The following RSPH1 variants were observed in gnomAD, a reference collection of about 807,000 sequenced individuals.
The protein encoded by RSPH1 is radial spoke head 1 homolog.
A neutral mutation model predicts 44.2 loss-of-function variants in RSPH1; 32 were observed. The observed-to-expected ratio is 0.72, with a 90% CI of 0.55 to 0.97. The LOEUF (loss-of-function observed/expected upper bound fraction) is 0.97, where lower values mean the gene tolerates loss of function less well. Among genes scored for constraint, RSPH1 ranks in the 50% least tolerant of loss-of-function variants. RSPH1 has a pLI of 0.00. For missense variants in RSPH1, 391 were observed against 398.7 expected, an observed-to-expected ratio of 0.98 and a Z score of 0.16; for synonymous variants, 134 against 147.3, an observed-to-expected ratio of 0.91 and a Z score of 0.65.
At chr21:42,477,857 T>C (rs2054085217) in intron 6 of RSPH1, among the ~76,000 whole-genome samples, 1 of 152,222 alleles carries the variant, frequency 6.6e-6, no homozygotes, top group Admixed American at 6.5e-5. Context: ...TCGTGTATTA[T>C]ATAATTATAT....
intron 5 of RSPH1, chr21:42,485,440 A>C: frequency 1.8e-6 from 1 of 559,990 alleles, no homozygotes; most frequent in East Asian, 3.1e-5. Flanking sequence ...GACAGTGGGA[A>C]TTTGTACTGA....
rs1327326628 is a variant in RSPH1, at chr21:42,486,353, C to G, written c.365+18G>C. 6.4e-6 allele frequency: 10 copies of G among 1,569,580 alleles called. No homozygotes were observed. In the African/African-American group the frequency reaches 1.2e-4, roughly 19 times the overall value. The stretch of plus-strand genomic sequence containing the variant: ...TTACATAAGCAAATCCCGTTAAGAC[C>G]CAAGATAGAAACCGAACCTTTGATG... On this transcript the variant is annotated intron_variant, in intron 4 of 8. Coordinates refer to ENST00000291536, the MANE Select transcript of RSPH1 (RefSeq NM_080860.4).
chr21:42,490,127 AT>A (rs1336128188), intron 3 of RSPH1, among the ~76,000 whole-genome samples: 1 of 68,104 alleles, frequency 1.5e-5, no homozygotes, highest in Admixed American at 1.9e-4. Flanking sequence ...CCTCCCCTCC[AT>A]CTCATCCCCC....
intron 1 of RSPH1, among the ~76,000 whole-genome samples, chr21:42,495,625 G>A (rs1234904642): frequency 3.3e-5 from 5 of 152,226 alleles, no homozygotes; most frequent in Non-Finnish European, 5.9e-5. Context: ...GTGAGGATAC[G>A]CCTATAAGGT....
chr21:42,484,650 C>T (rs746826887), intron 5 of RSPH1: 3 of 152,164 alleles, frequency 2.0e-5, no homozygotes, highest in Admixed American at 6.5e-5. Flanking sequence ...TTTTTACTAA[C>T]TAGCAAAACA....
intron 3 of RSPH1, among the ~76,000 whole-genome samples, chr21:42,491,077 T>G (rs2146662154): frequency 6.6e-6 from 1 of 152,292 alleles, no homozygotes; most frequent in Middle Eastern, 3.4e-3. Flanking sequence ...ATAATATCCT[T>G]TACAGTAAAC....
intron 8 of RSPH1, among the ~76,000 whole-genome samples, chr21:42,475,199 G>A (rs1305964740): frequency 6.6e-6 from 1 of 152,152 alleles, no homozygotes; most frequent in East Asian, 1.9e-4. Context: ...GCTGGCAGAG[G>A]CAGAAGTTTC....
At chr21:42,491,338 A>G (rs1418310233) in intron 3 of RSPH1, among the ~76,000 whole-genome samples, 1 of 152,238 alleles carries the variant, frequency 6.6e-6, no homozygotes, top group East Asian at 1.9e-4. Context: ...TGGTGTTCAC[A>G]GAAGACTGGA....
At position 42,472,815 on chromosome 21, in the gene RSPH1, A is replaced by T. The variant is rs369292362; in HGVS notation, c.*3T>A. Reference sequence around the variant, plus strand: ...ATACGATCTCCTCTCGGCTCACTTCATCTTAGTCCTGGAGGTCTGACTGTC... The same window carrying T: ...ATACGATCTCCTCTCGGCTCACTTCTTCTTAGTCCTGGAGGTCTGACTGTC... On this transcript the variant is annotated 3_prime_UTR_variant, in exon 9 of 9. Transcript: ENST00000291536. 16 of 1,607,728 alleles carry T rather than the reference A, an allele frequency of 1.0e-5. No individual in the cohort carries two copies. The African/African-American group carries it at 1.9e-4, about 19-fold the overall frequency.
At chr21:42,491,078 T>C (rs979325897) in intron 3 of RSPH1, among the ~76,000 whole-genome samples, 2 of 152,172 alleles carry the variant, frequency 1.3e-5, no homozygotes, top group Non-Finnish European at 2.9e-5. Context: ...TAATATCCTT[T>C]ACAGTAAACA....
chr21:42,472,773 A>G lies in RSPH1; in HGVS notation c.*45T>C. 6.7e-7 allele frequency: 1 copy of G among 1,483,506 alleles called. No homozygotes were observed. Among genetic ancestry groups the G allele is most frequent in the East Asian group, 2.3e-5 (1 of 44,190 alleles). The allele number at this position is 1,483,506 out of a possible 1,614,324, so 91.9% of individuals were successfully genotyped here. The stretch of plus-strand genomic sequence containing the variant: ...CACACAGCACTGCACCCGGCTAACG[A>G]CAGAAGCATTCTTATGATACGATCT... On this transcript the variant is annotated 3_prime_UTR_variant, in exon 9 of 9. Coordinates refer to ENST00000291536, the MANE Select transcript of RSPH1 (RefSeq NM_080860.4).
Position 42,472,859 on chromosome 21 carries a change from A to T in RSPH1, c.889T>A (p.Ser297Thr). ...RYDMDEGNIN[S>T]EEEETRQSDL... is the part of the protein sequence containing the mutation. ...GACTGTCTAGTTTCTTCTTCTTCAG[A>T]ATTAATGTTTCCTGAAAAGAAAAGA... The change falls in exon 9 of 9, where the codon TCT becomes ACT. Residue 297 changes from serine to threonine, a missense_variant. Coordinates refer to ENST00000291536, the MANE Select transcript of RSPH1 (RefSeq NM_080860.4). 6.2e-7 allele frequency: 1 copy of T among 1,606,946 alleles called. No homozygotes were observed. Among genetic ancestry groups the T allele is most frequent in the Non-Finnish European group, 8.5e-7 (1 of 1,173,674 alleles).
Position 42,485,600 on chromosome 21 carries a change from C to T in RSPH1, c.501+69G>A, listed in dbSNP as rs767914191. 1.6e-4 allele frequency: 246 copies of T among 1,583,538 alleles called. 1 individual carries two copies. The highest frequency in any genetic ancestry group is 3.3e-4 in the Middle Eastern group (2 of 6,002). On this transcript the variant is annotated intron_variant, in intron 5 of 8. Transcript: ENST00000291536. ...GAGTTTTTGGTATTCTCTGGTCACACATTTGCACAGGCTGCCAGAGGGGGT... is the reference window on the plus strand; with the variant it reads ...GAGTTTTTGGTATTCTCTGGTCACATATTTGCACAGGCTGCCAGAGGGGGT...
intron 3 of RSPH1, among the ~76,000 whole-genome samples, chr21:42,491,715 T>C (rs929064162): frequency 2.0e-5 from 3 of 152,216 alleles, no homozygotes; most frequent in Admixed American, 1.3e-4. Context: ...GAATCATCAC[T>C]GACATCTATT....
intron 6 of RSPH1, among the ~76,000 whole-genome samples, chr21:42,478,378 G>A (rs1286846173): frequency 2.0e-5 from 3 of 152,214 alleles, no homozygotes; most frequent in Non-Finnish European, 4.4e-5. Context: ...AATGCTGCAG[G>A]ACAGGGTCCT....
intron 3 of RSPH1, among the ~76,000 whole-genome samples, chr21:42,488,836 G>A (rs1449437661): frequency 2.0e-5 from 3 of 152,196 alleles, no homozygotes; most frequent in African/African-American, 4.8e-5. Flanking sequence ...TTTGAGGTGA[G>A]TGACATTTGT....
chr21:42,488,140 C>T (rs996299924), intron 3 of RSPH1, among the ~76,000 whole-genome samples: 2 of 152,134 alleles, frequency 1.3e-5, no homozygotes, highest in Non-Finnish European at 2.9e-5. Flanking sequence ...AGGACTAGGT[C>T]CCATGATGTG....
Position 42,496,223 on chromosome 21 carries a change from C to G in RSPH1, c.-37G>C. ...AGCCTGGATCACAGCCGCAGCGCCT[C>G]TAGCAGGTGGGTAGCAACCGCCTCC... On this transcript the variant is annotated 5_prime_UTR_variant, in exon 1 of 9. Transcript: ENST00000291536. 1.2e-6 allele frequency: 2 copies of G among 1,612,838 alleles called. No homozygotes were observed. Among genetic ancestry groups the G allele is most frequent in the Middle Eastern group, 1.6e-4 (1 of 6,062 alleles).
chr21:42,477,840 T>C (rs1328194847), intron 6 of RSPH1, among the ~76,000 whole-genome samples: 1 of 151,930 alleles, frequency 6.6e-6, no homozygotes, highest in Admixed American at 6.5e-5. Flanking sequence ...AACTCTAATA[T>C]AAAAAATCGT....
Sources: allele counts gnomAD v4.1 joint callset (sites outside exome capture counted in the v4.1 genomes callset), GRCh38; gene constraint gnomAD v4.1.1; transcripts MANE v1.5; gene names NCBI Gene and HGNC (gene_info 2026-07-23, HGNC 2026-07-21).